Variants in LCLAT1 observed in about 807,000 individuals in gnomAD.
LCLAT1 encodes 1-AGP acyltransferase 8.
Under a neutral mutation model 30.7 loss-of-function variants are expected in LCLAT1, and 11 were observed. The observed-to-expected ratio is 0.36, with a 90% confidence interval of 0.23 to 0.59. LCLAT1 has a LOEUF of 0.59. Among genes scored for constraint, LCLAT1 ranks in the 20% least tolerant of loss-of-function variants. The pLI, the probability that LCLAT1 is intolerant of heterozygous loss-of-function variation, is 0.77. For synonymous variants in LCLAT1, 155 were observed against 151.3 expected, an observed-to-expected ratio of 1.02 and a Z score of -0.18; for missense variants, 402 against 458.6, an observed-to-expected ratio of 0.88 and a Z score of 1.13.
intron 1 of LCLAT1, among the ~76,000 whole-genome samples, chr2:30,481,216 A>G (rs1683304108): frequency 6.6e-6 from 1 of 152,206 alleles, no homozygotes; most frequent in Non-Finnish European, 1.5e-5. Context: ...TCTAGGCTCA[A>G]TGGAAAGCCG....
intron 5 of LCLAT1, among the ~76,000 whole-genome samples, chr2:30,593,426 A>G (rs1341821984): frequency 6.6e-6 from 1 of 152,192 alleles, no homozygotes; most frequent in Non-Finnish European, 1.5e-5. Flanking sequence ...TTTTTCTAGC[A>G]GTACCATGTT....
At chr2:30,635,765 G>A (rs111751749) in intron 5 of LCLAT1, among the ~76,000 whole-genome samples, 1 of 152,132 alleles carries the variant, frequency 6.6e-6, no homozygotes, top group Non-Finnish European at 1.5e-5. Flanking sequence ...GCCAAGTACT[G>A]TCCAAAGAGC....
intron 1 of LCLAT1, among the ~76,000 whole-genome samples, chr2:30,508,327 T>C (rs1398207501): frequency 6.6e-6 from 1 of 152,202 alleles, no homozygotes; most frequent in African/African-American, 2.4e-5. Context: ...GCAGTTACTT[T>C]TGGTATCTTT....
In LCLAT1 at chr2:30,521,485, ACTTCTT is replaced by A. The variant is rs202228852; in HGVS notation, c.-4-4098_-4-4093del. Among the ~76,000 whole-genome samples, 12 of 63,924 alleles carry A rather than the reference ACTTCTT, an allele frequency of 1.9e-4. 1 individual carries two copies. The highest frequency in any genetic ancestry group is 3.0e-4 in the African/African-American group (4 of 13,246). The allele number at this position is 63,924 out of a possible 152,430, so 41.9% of individuals were successfully genotyped here. A position where few individuals can be genotyped will look rare whatever the true frequency, so the allele number is the denominator to read the frequency against. Reference sequence around the variant, plus strand: ...AACAGTTTCCTCAACCCCCTAAACTACTTCTTCTTTTTTTTTTTTTTTTTTTTTTTT... The same window carrying A: ...AACAGTTTCCTCAACCCCCTAAACTACTTTTTTTTTTTTTTTTTTTTTTTT... On this transcript the variant is annotated intron_variant, in intron 1 of 5. Coordinates refer to ENST00000379509, the MANE Select transcript of LCLAT1 (RefSeq NM_001002257.3).
intron 1 of LCLAT1, among the ~76,000 whole-genome samples, chr2:30,518,439 C>G (rs1413804897): frequency 1.3e-5 from 2 of 152,196 alleles, no homozygotes; most frequent in Non-Finnish European, 2.9e-5. Context: ...GCTGTTTGCA[C>G]TCAGCCAAGC....
intron 1 of LCLAT1, among the ~76,000 whole-genome samples, chr2:30,522,648 C>T (rs763136242): frequency 6.6e-6 from 1 of 152,122 alleles, no homozygotes; most frequent in Non-Finnish European, 1.5e-5. Flanking sequence ...TTTATTGAAT[C>T]ATTGAAAATC....
chr2:30,521,601 G>C (rs367891976), intron 1 of LCLAT1, among the ~76,000 whole-genome samples: 54 of 133,734 alleles, frequency 4.0e-4, no homozygotes, highest in African/African-American at 1.4e-3. Flanking sequence ...TCTGACTCCA[G>C]GTTCAAGCGA....
chr2:30,477,446 AAGGT>A (rs1220823419), intron 1 of LCLAT1, among the ~76,000 whole-genome samples: 3 of 152,188 alleles, frequency 2.0e-5, no homozygotes, highest in Non-Finnish European at 4.4e-5. Flanking sequence ...TGTGATATAT[AAGGT>A]AGGTCATTCT....
intron 3 of LCLAT1, among the ~76,000 whole-genome samples, chr2:30,558,284 A>T (rs1159284422): frequency 6.6e-6 from 1 of 152,160 alleles, no homozygotes; most frequent in African/African-American, 2.4e-5. Flanking sequence ...AAGAAATCTG[A>T]ACGACTAATT....
chr2:30,451,487 A>G (rs1057026342), intron 1 of LCLAT1, among the ~76,000 whole-genome samples: 1 of 152,262 alleles, frequency 6.6e-6, no homozygotes, highest in Non-Finnish European at 1.5e-5. Context: ...CAAAAATTGG[A>G]TATAACTCAA....
chr2:30,507,428 A>G (rs900925731), intron 1 of LCLAT1, among the ~76,000 whole-genome samples: 1 of 152,164 alleles, frequency 6.6e-6, no homozygotes, highest in South Asian at 2.1e-4. Context: ...TCACCCAGGT[A>G]TTAAGCCTAG....
At chr2:30,534,964 G>T (rs1019760226) in intron 3 of LCLAT1, among the ~76,000 whole-genome samples, 4 of 152,004 alleles carry the variant, frequency 2.6e-5, no homozygotes, top group Non-Finnish European at 5.9e-5. Context: ...AGGATATTAA[G>T]AATAACATTA....
intron 5 of LCLAT1, among the ~76,000 whole-genome samples, chr2:30,633,317 A>G (rs370525898): frequency 6.6e-6 from 1 of 152,332 alleles, no homozygotes; most frequent in East Asian, 1.9e-4. Flanking sequence ...AGTTAGATTC[A>G]TGAATTTAGA....
rs921556453 is a variant in LCLAT1, at chr2:30,643,828, TA to T, written c.*3212del. 3 of 152,658 alleles carry T rather than the reference TA, an allele frequency of 2.0e-5. No individual in the cohort carries two copies. Among genetic ancestry groups the T allele is most frequent in the African/African-American group, 7.2e-5 (3 of 41,452 alleles). The allele number at this position is 152,658 out of a possible 1,614,324, so 9.5% of individuals were successfully genotyped here. Reference sequence around the variant, plus strand: ...TGTAGTATGTAGTGTGTTTCTTAGGTAAAGTCTCTTTTTGCTACTGAAAGGG... The same window carrying T: ...TGTAGTATGTAGTGTGTTTCTTAGGTAAGTCTCTTTTTGCTACTGAAAGGG... On this transcript the variant is annotated 3_prime_UTR_variant, in exon 6 of 6. Coordinates refer to ENST00000379509, the MANE Select transcript of LCLAT1 (RefSeq NM_001002257.3).
chr2:30,519,533 C>T (rs983749643), intron 1 of LCLAT1, among the ~76,000 whole-genome samples: 6 of 152,156 alleles, frequency 3.9e-5, no homozygotes, highest in African/African-American at 7.2e-5. Flanking sequence ...TTTCCTAGGC[C>T]GACTAAGAAT....
At chr2:30,630,460 G>C (rs74353576) in intron 5 of LCLAT1, among the ~76,000 whole-genome samples, 2,737 of 152,178 alleles carry the variant, frequency 0.018, 79 homozygotes, top group African/African-American at 0.061. Flanking sequence ...TATGATTCAA[G>C]TTTTTTTCTT....
At chr2:30,512,952 T>C (rs962217955) in intron 1 of LCLAT1, among the ~76,000 whole-genome samples, 1 of 152,198 alleles carries the variant, frequency 6.6e-6, no homozygotes, top group Non-Finnish European at 1.5e-5. Context: ...TCTTGAAATA[T>C]AATTATTAAT....
In LCLAT1 at chr2:30,528,655, C is replaced by G. The variant is rs931003810; in HGVS notation, c.165+2900C>G. On this transcript the variant is annotated intron_variant, in intron 2 of 5. Coordinates refer to ENST00000379509, the MANE Select transcript of LCLAT1 (RefSeq NM_001002257.3). The stretch of plus-strand genomic sequence containing the variant: ...GATAGTGTGATCTTTTGAGATGCAC[C>G]ATCCTATGAGATTTTCAAAGATAAT... Among the ~76,000 whole-genome samples the G allele has an allele frequency of 2.0e-5, 3 of 152,126 alleles. No homozygotes were observed. The East Asian group carries it at 5.8e-4, about 29-fold the overall frequency.
At chr2:30,580,058 C>T (rs186833663) in intron 5 of LCLAT1, among the ~76,000 whole-genome samples, 218 of 152,068 alleles carry the variant, frequency 1.4e-3, no homozygotes, top group Non-Finnish European at 1.9e-3. Context: ...GATCCATGAG[C>T]GAGGTATTTA....
Sources: allele counts gnomAD v4.1 joint callset (sites outside exome capture counted in the v4.1 genomes callset), GRCh38; gene constraint gnomAD v4.1.1; transcripts MANE v1.5; gene names NCBI Gene and HGNC (gene_info 2026-07-23, HGNC 2026-07-21).